The following CWH43 variants were observed in gnomAD, a reference collection of about 807,000 sequenced individuals.
CWH43 encodes cell wall biogenesis 43 C-terminal homolog.
CWH43 carries 91 observed loss-of-function variants against 85.7 expected under a neutral mutation model. The observed-to-expected ratio is 1.06, with a 90% confidence interval of 0.90 to 1.26. The LOEUF (loss-of-function observed/expected upper bound fraction) is 1.26. Ranked by LOEUF, CWH43 falls within the 50% of genes most tolerant of loss-of-function variation. The pLI is 0.00. For synonymous variants in CWH43, 323 were observed against 293.6 expected (o/e 1.10, Z -1.02); for missense variants, 869 against 839.2 (o/e 1.04, Z -0.44).
chr4:49,044,667 G>GA (rs1784566079), intron 13 of CWH43, 119 bp from the exon 14 acceptor site: 1 of 719,512 alleles, frequency 1.4e-6, no homozygotes, highest in Non-Finnish European at 2.3e-6. Context: ...GTAGGAGCCA[G>GA]GAAGAGAAAA....
chr4:49,056,972 A>G (rs771333522), intron 15 of CWH43, among the ~76,000 whole-genome samples: 8 of 152,052 alleles, frequency 5.3e-5, no homozygotes, highest in Non-Finnish European at 7.4e-5. Context: ...TTTTCCTCTT[A>G]TTAATTTATA....
rs767116022 is a variant in CWH43, at chr4:48,992,099, G to C, written c.511+9G>C. ...TGATCGTATTGGCACAGGTAATACT[G>C]TAACTTAGGAATTTTCTCTTTGCAG... On this transcript the variant is annotated intron_variant, in intron 4 of 15. Transcript: ENST00000226432. The surrounding 1 kb of genome is among the most constrained non-coding windows in gnomAD (Gnocchi z 4.3). 9 of 1,601,832 alleles carry C rather than the reference G, an allele frequency of 5.6e-6. No homozygotes were observed. In the East Asian group the frequency reaches 2.0e-4, roughly 36 times the overall value.
At position 48,988,569 on chromosome 4, in the gene CWH43, A is replaced by G; in HGVS notation, c.136A>G (p.Ser46Gly). Residue 46 changes from serine (S) to glycine (G), a missense_variant, in exon 2 of 16, where the codon AGT (serine) becomes GGT (glycine). Coordinates refer to ENST00000226432, the MANE Select transcript of CWH43 (RefSeq NM_025087.3). ...AGAACTCACTGGGCTTGAAGGTTTT[A>G]GTATAGCATTTCTTTCTCCAATATT... Reference protein sequence around the residue: ...TLELTGLEGFSIAFLSPIFLT... With the variant: ...TLELTGLEGFGIAFLSPIFLT... The G allele has an allele frequency of 1.2e-6, 2 of 1,613,398 alleles. No homozygotes were observed. Among genetic ancestry groups the G allele is most frequent in the South Asian group, 1.1e-5 (1 of 91,050 alleles).
chr4:49,035,413 T>A (rs1027506952), intron 12 of CWH43, among the ~76,000 whole-genome samples: 13 of 152,208 alleles, frequency 8.5e-5, no homozygotes, highest in African/African-American at 3.1e-4. Context: ...TTATTTTAGG[T>A]AATTAACTGA....
At chr4:49,019,898 G>A (rs1402589603) in intron 9 of CWH43, among the ~76,000 whole-genome samples, 1 of 151,984 alleles carries the variant, frequency 6.6e-6, no homozygotes, top group Non-Finnish European at 1.5e-5. Context: ...TTGTTTTTGG[G>A]CAGGTGGTTT....
intron 6 of CWH43, 111 bp from the exon 7 acceptor site, chr4:49,003,624 G>A (rs910822729): frequency 7.0e-6 from 7 of 998,674 alleles, no homozygotes; most frequent in Non-Finnish European, 7.5e-6. Flanking sequence ...CATCTGTCTG[G>A]AGATTGGATC....
At chr4:49,007,144 A>T in intron 7 of CWH43, 57 bp from the exon 8 acceptor site, 7 of 1,548,994 alleles carry the variant, frequency 4.5e-6, no homozygotes, top group Non-Finnish European at 6.1e-6. Context: ...CTGGAATACA[A>T]CATTGGAAGG....
chr4:49,042,641 CA>C (rs1560511335), intron 13 of CWH43, among the ~76,000 whole-genome samples: 2 of 151,956 alleles, frequency 1.3e-5, no homozygotes. Context: ...TAGAGAAGTG[CA>C]AATTAGAGTG....
Position 49,030,890 on chromosome 4 carries a change from A to C in CWH43, c.1438A>C (p.Thr480Pro), listed in dbSNP as rs1784074342. The C allele has an allele frequency of 6.2e-7, 1 of 1,611,384 alleles. No individual in the cohort carries two copies. The highest frequency in any genetic ancestry group is 8.5e-7 in the Non-Finnish European group (1 of 1,178,956). ...SKPYMGNNDLTMWLGEKLGFY... is the reference protein window; with the variant it reads ...SKPYMGNNDLPMWLGEKLGFY... ...GCCCTATATGGGGAACAATGACTTA[A>C]CCATGTGGCTAGGGGAAAAGTTGGG... Residue 480 changes from threonine to proline, a missense_variant, in exon 11 of 16, where the codon ACC becomes CCC. Transcript: ENST00000226432.
At chr4:49,007,745 G>C (rs1279025708) in intron 8 of CWH43, among the ~76,000 whole-genome samples, 1 of 151,932 alleles carries the variant, frequency 6.6e-6, no homozygotes, top group African/African-American at 2.4e-5. Flanking sequence ...TTGTCCTTGT[G>C]ATAGTTTGCT....
intron 1 of CWH43, among the ~76,000 whole-genome samples, chr4:48,987,125 C>T (rs1209643932): frequency 6.6e-6 from 1 of 152,020 alleles, no homozygotes; most frequent in African/African-American, 2.4e-5. Context: ...TTGCTAGAAT[C>T]CCCGGTTCGT....
At chr4:49,041,856 G>A (rs1210970845) in intron 13 of CWH43, among the ~76,000 whole-genome samples, 1 of 152,136 alleles carries the variant, frequency 6.6e-6, no homozygotes, top group African/African-American at 2.4e-5. Flanking sequence ...AAACTGATCT[G>A]TAACACTTCT....
intron 6 of CWH43, among the ~76,000 whole-genome samples, chr4:49,000,597 T>A (rs1231546199): frequency 6.6e-6 from 1 of 152,236 alleles, no homozygotes; most frequent in Non-Finnish European, 1.5e-5. Flanking sequence ...ATTGAGCGTT[T>A]GTTCAGCATT....
At chr4:49,016,812 C>T (rs759383713) in intron 8 of CWH43, 54 of 777,074 alleles carry the variant, frequency 6.9e-5, no homozygotes, top group Admixed American at 1.4e-4. Flanking sequence ...TGCCAGAGCA[C>T]GGGCCACTTT....
chr4:48,996,528 T>C (rs1221904019), intron 5 of CWH43, among the ~76,000 whole-genome samples: 3 of 152,152 alleles, frequency 2.0e-5, no homozygotes, highest in Non-Finnish European at 2.9e-5. Context: ...TCTTCTTCCA[T>C]ATCTGGGAGG....
At chr4:49,049,108 G>T (rs2768965) in intron 14 of CWH43, among the ~76,000 whole-genome samples, 88,425 of 151,904 alleles carry the variant, frequency 0.58, 28,874 homozygotes, top group Admixed American at 0.75. Context: ...TTAGAGATTT[G>T]GGAATAAATA....
intron 8 of CWH43, among the ~76,000 whole-genome samples, chr4:49,014,743 C>T (rs1324360996): frequency 2.0e-5 from 3 of 151,960 alleles, no homozygotes; most frequent in East Asian, 1.9e-4. Flanking sequence ...ATTTTAGGTT[C>T]ATAGGAAAAT....
Position 49,028,734 on chromosome 4 carries a change from G to T in CWH43, c.1372G>T (p.Gly458Cys). The T allele has an allele frequency of 6.3e-7, 1 of 1,586,438 alleles. No homozygotes were observed. The highest frequency in any genetic ancestry group is 8.6e-7 in the Non-Finnish European group (1 of 1,156,426). Residue 458 changes from glycine (G) to cysteine (C), a missense_variant and splice_region_variant, in exon 10 of 16, where the codon GGT becomes TGT. Physicochemically the swap from Gly to Cys is radical, Grantham distance 159 (BLOSUM62 -3). Coordinates refer to ENST00000226432, the MANE Select transcript of CWH43 (RefSeq NM_025087.3). The part of the protein sequence containing the change: ...ERSAHLLNET[G>C]ADFITILESD... The stretch of plus-strand genomic sequence containing the variant: ...ATCAGCTCACCTGCTCAATGAAACA[G>T]GTAAGTCTTCCTGGAATTAGTTCCA...
chr4:49,002,575 C>T lies in CWH43; in HGVS notation c.803-1160C>T, dbSNP rs552137143. Among the ~76,000 whole-genome samples, 16 of 152,154 alleles carry T rather than the reference C, an allele frequency of 1.1e-4. 1 individual carries two copies. In the South Asian group the frequency reaches 3.1e-3, roughly 30 times the overall value. On this transcript the variant is annotated intron_variant, in intron 6 of 15. Transcript: ENST00000226432. ...AATCCTTAATTGCTTCTTTTCAGTT[C>T]TGTATTTTTAAAATTTCTAAAGCAA...
Sources: allele counts gnomAD v4.1 joint callset (sites outside exome capture counted in the v4.1 genomes callset), GRCh38; gene constraint gnomAD v4.1.1; non-coding constraint Gnocchi (gnomAD v3.1); transcripts MANE v1.5; gene names NCBI Gene and HGNC (gene_info 2026-07-23, HGNC 2026-07-21).